The following CCDC102B variants were observed in gnomAD, a reference collection of about 807,000 sequenced individuals.
CCDC102B encodes coiled-coil domain containing 102B.
In CCDC102B, 75 loss-of-function variants were observed where a neutral mutation model predicts 57.4. The ratio of observed to expected loss-of-function variants is 1.31; its 90% CI spans 1.08 to 1.58. The LOEUF (loss-of-function observed/expected upper bound fraction) is 1.58. Among genes scored for constraint, CCDC102B ranks in the 40% most tolerant of loss-of-function variants. The pLI, the probability that CCDC102B is intolerant of heterozygous loss-of-function variation, is 0.00. For synonymous variants in CCDC102B, 206 were observed against 201.9 expected, an observed-to-expected ratio of 1.02 and a Z score of -0.17; for missense variants, 636 against 582.6, an observed-to-expected ratio of 1.09 and a Z score of -0.94.
chr18:68,850,892 T>G (rs969190161), intron 4 of CCDC102B, among the ~76,000 whole-genome samples: 3 of 152,098 alleles, frequency 2.0e-5, no homozygotes, highest in Non-Finnish European at 4.4e-5. Context: ...AGTTTATACA[T>G]CACTTCATTA....
intron 1 of CCDC102B, among the ~76,000 whole-genome samples, chr18:68,821,538 A>C (rs1371318305): frequency 6.6e-6 from 1 of 151,426 alleles, no homozygotes; most frequent in Non-Finnish European, 1.5e-5. Flanking sequence ...TTAATGAAAA[A>C]TACAGAGTTT....
At chr18:69,013,643 C>G (rs542524774) in intron 7 of CCDC102B, among the ~76,000 whole-genome samples, 109 of 152,198 alleles carry the variant, frequency 7.2e-4, no homozygotes, top group African/African-American at 2.6e-3. Context: ...ACTGGAAAGC[C>G]AGTAATTTAC....
intron 7 of CCDC102B, among the ~76,000 whole-genome samples, chr18:69,022,458 G>A (rs117503311): frequency 6.6e-6 from 1 of 151,690 alleles, no homozygotes; most frequent in Non-Finnish European, 1.5e-5. Flanking sequence ...TTACGAGTAG[G>A]TATAAAAATT....
At chr18:68,906,188 T>G (rs1308048319) in intron 6 of CCDC102B, among the ~76,000 whole-genome samples, 1 of 152,202 alleles carries the variant, frequency 6.6e-6, no homozygotes, top group Non-Finnish European at 1.5e-5. Flanking sequence ...ACTTCATTCC[T>G]TTTTGGCCTG....
chr18:69,022,164 A>G (rs111347716), intron 7 of CCDC102B, among the ~76,000 whole-genome samples: 6 of 150,064 alleles, frequency 4.0e-5, no homozygotes, highest in African/African-American at 1.5e-4. Context: ...AACTCTAGGC[A>G]GCATTTATTA....
At position 68,933,108 on chromosome 18, in the gene CCDC102B, AT is replaced by A. The variant is rs372153106; in HGVS notation, c.1263+35681del. ...TTATTTACTCCTCATAAAAAAAAAA[AT>A]ATTAGGAAGAGATTATTCTTTTGCC... is the stretch of plus-strand genomic sequence containing the variant. On this transcript the variant is annotated intron_variant, in intron 6 of 7. Coordinates refer to ENST00000360242, the MANE Select transcript of CCDC102B (RefSeq NM_024781.3). Among the ~76,000 whole-genome samples, 67 of 150,250 alleles carry A rather than the reference AT, an allele frequency of 4.5e-4. No homozygotes were observed. In the East Asian group the frequency reaches 0.012, roughly 27 times the overall value.
At chr18:68,718,767 G>A (rs73454074) in intron 2 of CCDC102B, among the ~76,000 whole-genome samples, 8,329 of 152,136 alleles carry the variant, frequency 0.055, 779 homozygotes, top group African/African-American at 0.19. Context: ...TGACCCAGTG[G>A]GGCCCATCAA....
intron 6 of CCDC102B, among the ~76,000 whole-genome samples, chr18:68,915,222 G>A (rs893423685): frequency 1.3e-5 from 2 of 152,206 alleles, no homozygotes; most frequent in Non-Finnish European, 2.9e-5. Context: ...CATTGGCCTT[G>A]ACAGCATGTG....
At chr18:69,019,040 A>G (rs548688517) in intron 7 of CCDC102B, among the ~76,000 whole-genome samples, 2 of 152,164 alleles carry the variant, frequency 1.3e-5, no homozygotes, top group African/African-American at 4.8e-5. Context: ...AAATTAGATG[A>G]CCATATATTG....
intron 3 of CCDC102B, among the ~76,000 whole-genome samples, chr18:68,843,430 A>G (rs146759069): frequency 2.6e-5 from 4 of 152,240 alleles, no homozygotes; most frequent in East Asian, 3.9e-4. Flanking sequence ...CCTTTCATCT[A>G]TGAGAAATAT....
At chr18:68,790,117 G>C (rs1158658190) in intron 2 of CCDC102B, among the ~76,000 whole-genome samples, 17 of 149,456 alleles carry the variant, frequency 1.1e-4, no homozygotes, top group Non-Finnish European at 2.9e-5. Flanking sequence ...CCCCTGCTGG[G>C]GGGTGCCTCC....
intron 4 of CCDC102B, among the ~76,000 whole-genome samples, chr18:68,867,954 G>C (rs554973782): frequency 6.6e-6 from 1 of 152,006 alleles, no homozygotes; most frequent in Admixed American, 6.5e-5. Flanking sequence ...CAAAAAAAAA[G>C]GGCTAGTTAG....
At chr18:68,895,685 C>T (rs2040218273) in intron 5 of CCDC102B, among the ~76,000 whole-genome samples, 1 of 151,536 alleles carries the variant, frequency 6.6e-6, no homozygotes, top group African/African-American at 2.4e-5. Context: ...CCTACAATAC[C>T]ACAAATATGG....
chr18:68,824,020 G>T (rs2036805622), intron 1 of CCDC102B, among the ~76,000 whole-genome samples: 1 of 151,398 alleles, frequency 6.6e-6, no homozygotes, highest in Admixed American at 6.6e-5. Context: ...TCTGTTGATA[G>T]GTTCTTTTGC....
At chr18:69,015,615 T>G (rs1306265718) in intron 7 of CCDC102B, among the ~76,000 whole-genome samples, 1 of 152,086 alleles carries the variant, frequency 6.6e-6, no homozygotes, top group Non-Finnish European at 1.5e-5. Flanking sequence ...TTTAAATAAA[T>G]GAAAATAAGA....
intron 2 of CCDC102B, chr18:68,721,243 AG>A (rs2032310279): frequency 6.6e-6 from 1 of 152,238 alleles, no homozygotes; most frequent in South Asian, 2.1e-4. Context: ...ATTAGGGTGC[AG>A]GTTAATGAAT....
At chr18:68,766,076 AT>A (rs1463217495) in intron 2 of CCDC102B, among the ~76,000 whole-genome samples, 1 of 152,194 alleles carries the variant, frequency 6.6e-6, no homozygotes, top group Non-Finnish European at 1.5e-5. Flanking sequence ...TCAAGTAGCA[AT>A]TTAAGGTGTC....
At chr18:68,923,685 T>C (rs2041369010) in intron 6 of CCDC102B, among the ~76,000 whole-genome samples, 1 of 152,168 alleles carries the variant, frequency 6.6e-6, no homozygotes, top group Non-Finnish European at 1.5e-5. Context: ...TGCCTTCCTG[T>C]GAGCCAGAAA....
chr18:69,042,649 C>T (rs970855171), intron 7 of CCDC102B, among the ~76,000 whole-genome samples: 2 of 152,096 alleles, frequency 1.3e-5, no homozygotes, highest in Non-Finnish European at 2.9e-5. Context: ...ATTTCTGTCA[C>T]TCTAGATTAC....
Sources: allele counts gnomAD v4.1 joint callset (sites outside exome capture counted in the v4.1 genomes callset), GRCh38; gene constraint gnomAD v4.1.1; transcripts MANE v1.5; gene names NCBI Gene and HGNC (gene_info 2026-07-23, HGNC 2026-07-21).